Variants in HMX1 observed in about 807,000 individuals in gnomAD.
HMX1 encodes the protein homeobox protein HMX1.
A neutral mutation model predicts 8.9 loss-of-function variants in HMX1; 8 were observed. That is an observed-to-expected ratio of 0.90 (90% CI 0.53 to 1.63). HMX1 has a LOEUF of 1.63. Among genes scored for constraint, HMX1 ranks in the 40% most tolerant of loss-of-function variants. HMX1 has a pLI of 0.00. For synonymous variants in HMX1, 311 were observed against 283.4 expected (o/e 1.10, Z -0.98); for missense variants, 621 against 558.5 (o/e 1.11, Z -1.13).
chr4:8,865,028 G>A (rs1351735892), downstream of HMX1, among the ~76,000 whole-genome samples: 2 of 152,250 alleles, frequency 1.3e-5, no homozygotes, highest in African/African-American at 2.4e-5. Context: ...CTAGTAGCCA[G>A]AGTGGACGAT....
chr4:8,855,445 G>A (rs1231236004), intron 1 of HMX1, among the ~76,000 whole-genome samples: 1 of 152,206 alleles, frequency 6.6e-6, no homozygotes, highest in Non-Finnish European at 1.5e-5. Flanking sequence ...GAATGCAAGG[G>A]AGGCAACGAT....
chr4:8,857,716 GT>G (rs1210310758), intron 1 of HMX1, among the ~76,000 whole-genome samples: 2 of 152,200 alleles, frequency 1.3e-5, no homozygotes, highest in Non-Finnish European at 2.9e-5. Context: ...AATTTTGGAC[GT>G]TTCTGGTTGG....
At position 8,868,918 on chromosome 4, in the gene HMX1, T is replaced by C. The variant is rs1344405343; in HGVS notation, c.395-573A>G. ...CCCTCTGCCCGCTTGCACAGAAACATTCCATAGTAGGAGGACAAACCAATG... is the reference window on the plus strand; with the variant it reads ...CCCTCTGCCCGCTTGCACAGAAACACTCCATAGTAGGAGGACAAACCAATG... On this transcript the variant is annotated intron_variant, in intron 1 of 1. Transcript: ENST00000400677. The surrounding 1 kb of genome is among the most constrained non-coding windows in gnomAD (Gnocchi z 4.6). Among the ~76,000 whole-genome samples the C allele has an allele frequency of 6.6e-6, 1 of 152,020 alleles. No homozygotes were observed. Among genetic ancestry groups the C allele is most frequent in the Non-Finnish European group, 1.5e-5 (1 of 67,994 alleles).
At chr4:8,855,710 GA>G (rs1260019296) in intron 1 of HMX1, among the ~76,000 whole-genome samples, 1 of 152,174 alleles carries the variant, frequency 6.6e-6, no homozygotes, top group East Asian at 1.9e-4. Flanking sequence ...AACCGGGAGT[GA>G]AATGTGACCC....
chr4:8,855,039 C>T (rs1721568377), intron 1 of HMX1, among the ~76,000 whole-genome samples: 1 of 152,222 alleles, frequency 6.6e-6, no homozygotes, highest in East Asian at 1.9e-4. Context: ...ACAGCAGACA[C>T]CAGCAGGCAA....
intron 1 of HMX1, among the ~76,000 whole-genome samples, chr4:8,846,543 G>C (rs1452992084): frequency 6.6e-6 from 1 of 152,198 alleles, no homozygotes; most frequent in Non-Finnish European, 1.5e-5. Context: ...TGGGAACCCA[G>C]GTGTAACAGG....
rs763573293 is a variant in HMX1, at chr4:8,868,056, C to G, written c.684G>C (p.Leu228=). ...LESTFDLKRY[L]SSAERAGLAA... is the part of the protein sequence containing the mutation. Reference sequence around the variant, plus strand: ...CCAGGCCGGCGCGCTCGGCGCTGCTCAGGTAGCGCTTCAGGTCGAAGGTGG... The same window carrying G: ...CCAGGCCGGCGCGCTCGGCGCTGCTGAGGTAGCGCTTCAGGTCGAAGGTGG... Residue 228 remains leucine, a synonymous_variant, in exon 2 of 2, where the codon CTG becomes CTC. Transcript: ENST00000400677. This position sits in a 1 kb window ranked among gnomAD's most constrained non-coding sequence, Gnocchi z 4.6. 6.5e-7 allele frequency: 1 copy of G among 1,541,840 alleles called. No individual in the cohort carries two copies. The highest frequency in any genetic ancestry group is 8.7e-7 in the Non-Finnish European group (1 of 1,147,070).
downstream of HMX1, among the ~76,000 whole-genome samples, chr4:8,862,502 C>A (rs1721861061): frequency 6.6e-6 from 1 of 152,198 alleles, no homozygotes; most frequent in South Asian, 2.1e-4. Context: ...CTCTATTGGC[C>A]TCCTTTTATT....
intron 1 of HMX1, among the ~76,000 whole-genome samples, chr4:8,857,398 G>A (rs1172014826): frequency 2.0e-5 from 3 of 152,310 alleles, no homozygotes; most frequent in African/African-American, 7.2e-5. Context: ...GAGGCAGGAG[G>A]CGGGGTCTGG....
Position 8,861,029 on chromosome 4 carries a change from C to G in HMX1, c.394+10192G>C, listed in dbSNP as rs533980744. Among the ~76,000 whole-genome samples, 1,369 of 151,208 alleles carry G rather than the reference C, an allele frequency of 9.1e-3. 63 individuals are homozygous for G. Among genetic ancestry groups the G allele is most frequent in the Admixed American group, 0.077 (1,164 of 15,202 alleles). The stretch of plus-strand genomic sequence containing the variant: ...GGGGGCGGGGCGCCCGGGAGGGCCG[C>G]GAGCTGGGAAGGTCCCGGGCGGCCG... On this transcript the variant is annotated intron_variant, in intron 1 of 1. Transcript: ENST00000506970.
intron 1 of HMX1, among the ~76,000 whole-genome samples, chr4:8,861,346 C>T (rs1176080090): frequency 1.3e-5 from 2 of 152,216 alleles, no homozygotes; most frequent in South Asian, 2.1e-4. Context: ...CCGCTGCGCC[C>T]CGGAGGCCGC....
downstream of HMX1, among the ~76,000 whole-genome samples, chr4:8,862,255 C>G (rs191812689): frequency 1.7e-4 from 26 of 152,356 alleles, 1 homozygote; most frequent in African/African-American, 6.0e-4. Context: ...AAGCAGAGTG[C>G]AAGCTGGACC....
At position 8,871,583 on chromosome 4, in the gene HMX1, GCGCGCC is replaced by G; in HGVS notation, c.26_31del (p.Gly9_Arg10del). On this transcript the variant is annotated inframe_deletion, in exon 1 of 2. Coordinates refer to ENST00000400677, the MANE Select transcript of HMX1 (RefSeq NM_018942.3). The surrounding 1 kb of genome is among the most constrained non-coding windows in gnomAD (Gnocchi z 4.8). ...GAAGGAGGAGGCGCGGGCCGGCGTGGCGCGCCCGGGCTCCGTCAGCTCGTCAGGCAT... is the reference window on the plus strand; with the variant it reads ...GAAGGAGGAGGCGCGGGCCGGCGTGGCGGGCTCCGTCAGCTCGTCAGGCAT... The G allele has an allele frequency of 7.4e-7, 1 of 1,345,094 alleles. No homozygotes were observed. The highest frequency in any genetic ancestry group is 9.6e-7 in the Non-Finnish European group (1 of 1,045,354). The allele number at this position is 1,345,094 out of a possible 1,614,324, so 83.3% of individuals were successfully genotyped here. A position where few individuals can be genotyped will look rare whatever the true frequency, so the allele number is the denominator to read the frequency against.
rs1256285636 is a variant in HMX1 at position 8,871,507 on chromosome 4, G to C, written c.108C>G (p.Thr36=). ...AAEAKGAGRA[T]QGDGSREDEE... ...CGTCCTCCCGGCTGCCGTCGCCCTG[G>C]GTCGCGCGCCCTGCGCCCTTGGCCT... Residue 36 remains threonine, a synonymous_variant, in exon 1 of 2, where the codon ACC becomes ACG. Transcript: ENST00000400677. This position sits in a 1 kb window ranked among gnomAD's most constrained non-coding sequence, Gnocchi z 4.8. The C allele has an allele frequency of 6.0e-6, 8 of 1,338,140 alleles. No homozygotes were observed. The highest frequency in any genetic ancestry group is 7.7e-6 in the Non-Finnish European group (8 of 1,044,162). The allele number at this position is 1,338,140 out of a possible 1,614,324, so 82.9% of individuals were successfully genotyped here. A position where few individuals can be genotyped will look rare whatever the true frequency, so the allele number is the denominator to read the frequency against.
chr4:8,859,795 G>C lies in HMX1; in HGVS notation c.394+11426C>G, dbSNP rs138772495. On this transcript the variant is annotated intron_variant, in intron 1 of 1. Transcript: ENST00000506970. ...CGTGGGAATACCGTGGAACAAGGCG[G>C]GCAAAGGGCTGATCAGCTCCCGTCC... 3.8e-3 allele frequency among the ~76,000 whole-genome samples: 583 copies of C among 152,370 alleles called. 15 individuals are homozygous for C. Among genetic ancestry groups the C allele is most frequent in the Admixed American group, 0.028 (423 of 15,310 alleles).
rs1450590683 is a variant in HMX1 at position 8,847,984 on chromosome 4, A to G, written c.395-1660T>C. ...TCCGACTCCCTGGAGCGCCAGGTCCAGGGTGACATCTGAGCTCAGCGAACC... is the reference window on the plus strand; with the variant it reads ...TCCGACTCCCTGGAGCGCCAGGTCCGGGGTGACATCTGAGCTCAGCGAACC... On this transcript the variant is annotated intron_variant, in intron 1 of 1. Transcript: ENST00000506970. This position sits in a 1 kb window ranked among gnomAD's most constrained non-coding sequence, Gnocchi z 6.0. 6.6e-6 allele frequency among the ~76,000 whole-genome samples: 1 copy of G among 152,224 alleles called. No individual in the cohort carries two copies. The highest frequency in any genetic ancestry group is 1.5e-5 in the Non-Finnish European group (1 of 68,036).
chr4:8,859,254 G>C (rs1721716551), intron 1 of HMX1, among the ~76,000 whole-genome samples: 1 of 152,022 alleles, frequency 6.6e-6, no homozygotes, highest in Non-Finnish European at 1.5e-5. Flanking sequence ...AAATATGGGG[G>C]ATTCTTGTCT....
chr4:8,855,491 G>A (rs751567870), intron 1 of HMX1, among the ~76,000 whole-genome samples: 2 of 152,174 alleles, frequency 1.3e-5, no homozygotes, highest in Non-Finnish European at 2.9e-5. Flanking sequence ...CAGGCGGGAG[G>A]TCTCCTAGCA....
chr4:8,854,458 G>A (rs935603918), intron 1 of HMX1, among the ~76,000 whole-genome samples: 3 of 152,244 alleles, frequency 2.0e-5, no homozygotes, highest in African/African-American at 7.2e-5. Flanking sequence ...ACTTCACATG[G>A]ATTAAAGGCC....
Sources: allele counts gnomAD v4.1 joint callset (sites outside exome capture counted in the v4.1 genomes callset), GRCh38; gene constraint gnomAD v4.1.1; non-coding constraint Gnocchi (gnomAD v3.1); transcripts MANE v1.5; gene names NCBI Gene and HGNC (gene_info 2026-07-23, HGNC 2026-07-21).